The following WRN variants were observed in gnomAD, a reference collection of about 807,000 sequenced individuals.
The protein encoded by WRN is bifunctional 3'-5' exonuclease/ATP-dependent helicase WRN.
In WRN, 149 loss-of-function variants were observed where a neutral mutation model predicts 180.7. The observed-to-expected ratio is 0.82, with a 90% CI of 0.72 to 0.94. The LOEUF (loss-of-function observed/expected upper bound fraction) is 0.94. Ranked by LOEUF, WRN falls within the 40% of genes least tolerant of loss-of-function variation. The pLI is 0.00. For missense variants in WRN, 1,661 were observed against 1,700.1 expected (o/e 0.98, Z 0.40); for synonymous variants, 548 against 568.9 (o/e 0.96, Z 0.52).
At chr8:31,073,592 T>A (rs561748683) in intron 7 of WRN, among the ~76,000 whole-genome samples, 2 of 152,236 alleles carry the variant, frequency 1.3e-5, no homozygotes, top group East Asian at 3.9e-4. Flanking sequence ...GGAGATGTAA[T>A]TCAGATCCGA....
At chr8:31,141,357 A>T in intron 24 of WRN, 73 bp from the exon 25 acceptor site, 1 of 1,574,032 alleles carries the variant, frequency 6.4e-7, no homozygotes. Context: ...GAATCAATAG[A>T]CAAGTCTGTG....
intron 15 of WRN, among the ~76,000 whole-genome samples, chr8:31,091,263 A>C (rs1813738521): frequency 1.3e-5 from 2 of 152,144 alleles, no homozygotes; most frequent in African/African-American, 4.8e-5. Flanking sequence ...AAGTGTATAC[A>C]TGGAAGTATA....
In WRN at chr8:31,174,656, C is replaced by T. The variant is rs550407296; in HGVS notation, c.*1554C>T. Among the ~76,000 whole-genome samples the T allele has an allele frequency of 3.0e-4, 46 of 152,212 alleles. No individual in the cohort carries two copies. Among genetic ancestry groups the T allele is most frequent in the African/African-American group, 7.9e-4 (33 of 41,546 alleles). On this transcript the variant is annotated 3_prime_UTR_variant, in exon 35 of 35. Transcript: ENST00000298139. ...TAACATAAAGACTTCTCTTTCTCTTCGCTTTCACTACTACTACTACTAATT... is the reference window on the plus strand; with the variant it reads ...TAACATAAAGACTTCTCTTTCTCTTTGCTTTCACTACTACTACTACTAATT...
chr8:31,062,870 T>TATCC (rs1812543661), intron 3 of WRN, among the ~76,000 whole-genome samples: 1 of 152,160 alleles, frequency 6.6e-6, no homozygotes, highest in Admixed American at 6.5e-5. Context: ...CTTGCTCTGT[T>TATCC]ATCCAGGCTG....
intron 1 of WRN, among the ~76,000 whole-genome samples, chr8:31,042,227 G>A (rs529670841): frequency 6.6e-6 from 1 of 152,332 alleles, no homozygotes; most frequent in African/African-American, 2.4e-5. Context: ...AATAGGTGGA[G>A]CAGGATGCAG....
chr8:31,066,988 A>G (rs1186758764), intron 5 of WRN, 45 bp from the exon 6 acceptor site: 2 of 1,610,162 alleles, frequency 1.2e-6, no homozygotes, highest in Non-Finnish European at 1.7e-6. Context: ...GTAATACCTG[A>G]AAACAGGAAC....
intron 1 of WRN, among the ~76,000 whole-genome samples, chr8:31,051,496 T>G (rs189510851): frequency 6.6e-6 from 1 of 152,228 alleles, no homozygotes; most frequent in Admixed American, 6.5e-5. Context: ...TGACATGAAC[T>G]AGAAGTGACT....
At chr8:31,131,163 T>TTTTTTTTTTTG (rs1480491438) in intron 23 of WRN, among the ~76,000 whole-genome samples, 1 of 143,606 alleles carries the variant, frequency 7.0e-6, no homozygotes, top group Non-Finnish European at 1.5e-5. Context: ...CAACTTTCTT[T>TTTTTTTTTTTG]TTTTTTGAGA....
chr8:31,078,721 T>C (rs1031332516), intron 8 of WRN, among the ~76,000 whole-genome samples: 1 of 152,126 alleles, frequency 6.6e-6, no homozygotes, highest in African/African-American at 2.4e-5. Flanking sequence ...TCTATTGCTG[T>C]CATGTACTTG....
chr8:31,109,334 A>G (rs1432150281), intron 18 of WRN, among the ~76,000 whole-genome samples: 2 of 152,234 alleles, frequency 1.3e-5, no homozygotes, highest in South Asian at 2.1e-4. Flanking sequence ...TTCTAATTGT[A>G]GAAGCAACAT....
intron 31 of WRN, among the ~76,000 whole-genome samples, chr8:31,152,592 A>C (rs539951879): frequency 2.0e-5 from 3 of 152,288 alleles, no homozygotes; most frequent in African/African-American, 7.2e-5. Context: ...TATAAATAGA[A>C]AAGGCAATAA....
chr8:31,142,307 A>G (rs918472336), intron 26 of WRN, among the ~76,000 whole-genome samples: 1 of 152,182 alleles, frequency 6.6e-6, no homozygotes, highest in Non-Finnish European at 1.5e-5. Context: ...CTTCTTTCTC[A>G]TCGATTAAAG....
intron 1 of WRN, among the ~76,000 whole-genome samples, chr8:31,048,755 C>G (rs980943567): frequency 1.3e-5 from 2 of 152,132 alleles, no homozygotes; most frequent in African/African-American, 4.8e-5. Flanking sequence ...CCCAAAGATT[C>G]TAATGAAAAT....
chr8:31,059,231 G>T lies in WRN; in HGVS notation c.175G>T (p.Ala59Ser), dbSNP rs1460186288. 4.3e-6 allele frequency: 7 copies of T among 1,613,818 alleles called. No homozygotes were observed. Among genetic ancestry groups the T allele is most frequent in the Non-Finnish European group, 5.1e-6 (6 of 1,179,854 alleles). ...FTGSIVYSYDASDCSFLSEDI... is the reference protein window; with the variant it reads ...FTGSIVYSYDSSDCSFLSEDI... ...TGGATCCATTGTGTATAGTTACGAT[G>T]CTAGTGATTGCTCTTTCCTGTCAGA... Residue 59 changes from alanine to serine, a missense_variant, in exon 3 of 35, where the codon GCT (alanine) becomes TCT (serine). This residue lies in a region of WRN where 500 missense variants were observed against 504.1 expected (regional missense o/e 0.99). Coordinates refer to ENST00000298139, the MANE Select transcript of WRN (RefSeq NM_000553.6).
intron 17 of WRN, among the ~76,000 whole-genome samples, chr8:31,099,417 A>AGGAG (rs748492501): frequency 1.1e-4 from 17 of 151,970 alleles, no homozygotes; most frequent in Non-Finnish European, 2.1e-4. Flanking sequence ...GAAGGAAGGA[A>AGGAG]AAATCAGTCA....
intron 17 of WRN, 77 bp downstream of exon 17, chr8:31,096,927 T>A: frequency 7.5e-7 from 1 of 1,330,562 alleles, no homozygotes; most frequent in Non-Finnish European, 1.1e-6. Context: ...GGACACTGGA[T>A]TTCACTTCTG....
intron 9 of WRN, among the ~76,000 whole-genome samples, chr8:31,082,922 G>T (rs1813376445): frequency 6.6e-6 from 1 of 152,064 alleles, no homozygotes; most frequent in African/African-American, 2.4e-5. Flanking sequence ...CGTTAAATAA[G>T]AAGTAAAAGA....
At chr8:31,112,540 T>A (rs1277919336) in intron 19 of WRN, among the ~76,000 whole-genome samples, 1 of 151,688 alleles carries the variant, frequency 6.6e-6, no homozygotes, top group African/African-American at 2.4e-5. Flanking sequence ...GCATTTTAAA[T>A]ATATATGTTA....
At chr8:31,171,672 A>G (rs774022381) in intron 34 of WRN, 8 of 152,178 alleles carry the variant, frequency 5.3e-5, no homozygotes, top group Admixed American at 2.0e-4. Flanking sequence ...GGATTTCTGT[A>G]CTTAAGCTGG....
Sources: gnomAD v4.1 joint callset for allele counts (sites outside exome capture counted in the v4.1 genomes callset) on GRCh38, gnomAD v4.1.1 for gene constraint, gnomAD v4.1.1 regional missense constraint, MANE v1.5 for transcripts, NCBI Gene and HGNC (gene_info 2026-07-23, HGNC 2026-07-21) for gene names.